Variants in C8orf34 observed in about 807,000 individuals in gnomAD.
C8orf34 encodes chromosome 8 open reading frame 34.
A neutral mutation model predicts 68.3 loss-of-function variants in C8orf34; 65 were observed. The ratio of observed to expected loss-of-function variants is 0.95; its 90% CI spans 0.78 to 1.17. The LOEUF (loss-of-function observed/expected upper bound fraction) is 1.17. C8orf34 is among the 50% of genes most tolerant of loss of function. The pLI, the probability that C8orf34 is intolerant of heterozygous loss-of-function variation, is 0.00. For missense variants in C8orf34, 664 were observed against 655.4 expected (o/e 1.01, Z -0.14); for synonymous variants, 244 against 241.2 (o/e 1.01, Z -0.11).
chr8:68,778,098 A>G (rs1418572555), intron 11 of C8orf34, among the ~76,000 whole-genome samples: 1 of 152,224 alleles, frequency 6.6e-6, no homozygotes, highest in Non-Finnish European at 1.5e-5. Context: ...CTTTTCTCAC[A>G]GACAATCCAT....
intron 10 of C8orf34, among the ~76,000 whole-genome samples, chr8:68,767,738 C>G (rs1823222678): frequency 6.6e-6 from 1 of 152,188 alleles, no homozygotes; most frequent in Non-Finnish European, 1.5e-5. Flanking sequence ...CTCCTGGGCT[C>G]AAGCAATTCT....
At chr8:68,786,427 C>T (rs1184698143) in intron 11 of C8orf34, among the ~76,000 whole-genome samples, 1 of 151,954 alleles carries the variant, frequency 6.6e-6, no homozygotes, top group Non-Finnish European at 1.5e-5. Flanking sequence ...CCTCAAGGAC[C>T]TTTTTTATTA....
chr8:68,785,462 T>C (rs927885347), intron 11 of C8orf34, among the ~76,000 whole-genome samples: 3 of 152,144 alleles, frequency 2.0e-5, no homozygotes, highest in African/African-American at 7.2e-5. Context: ...TCAGAATTGT[T>C]AACCCGTACT....
chr8:68,691,741 A>G (rs1285893811), intron 8 of C8orf34, among the ~76,000 whole-genome samples: 1 of 152,068 alleles, frequency 6.6e-6, no homozygotes, highest in African/African-American at 2.4e-5. Flanking sequence ...TAGCTTATCA[A>G]AAGAATATTT....
In C8orf34 at chr8:68,795,128, A is replaced by G. The variant is rs567756466; in HGVS notation, c.1549+7592A>G. ...TAGTGGATTTTTATTTCCATTTCAG[A>G]ATTTCTAGTTTGTTCCCTTTATAAT... is the stretch of plus-strand genomic sequence containing the variant. On this transcript the variant is annotated intron_variant, in intron 12 of 13. Coordinates refer to ENST00000518698, the MANE Select transcript of C8orf34 (RefSeq NM_052958.4). 3.3e-5 allele frequency among the ~76,000 whole-genome samples: 5 copies of G among 152,062 alleles called. No homozygotes were observed. The East Asian group carries it at 5.8e-4, about 18-fold the overall frequency.
chr8:68,797,635 A>G (rs1824216822), intron 12 of C8orf34, among the ~76,000 whole-genome samples: 1 of 152,170 alleles, frequency 6.6e-6, no homozygotes, highest in Non-Finnish European at 1.5e-5. Flanking sequence ...TATTTGAGAT[A>G]GTGGTACTGG....
At chr8:68,646,736 C>T (rs1819185565) in intron 8 of C8orf34, among the ~76,000 whole-genome samples, 1 of 152,134 alleles carries the variant, frequency 6.6e-6, no homozygotes, top group East Asian at 1.9e-4. Flanking sequence ...TCTTTCTGTG[C>T]CTGCTTATTT....
intron 6 of C8orf34, among the ~76,000 whole-genome samples, chr8:68,528,214 A>G (rs1815096266): frequency 6.6e-6 from 1 of 152,042 alleles, no homozygotes; most frequent in Non-Finnish European, 1.5e-5. Flanking sequence ...ACTCTTCGCC[A>G]TGTATCTTGA....
At chr8:68,494,969 A>T (rs1813466706) in intron 5 of C8orf34, among the ~76,000 whole-genome samples, 1 of 151,550 alleles carries the variant, frequency 6.6e-6, no homozygotes, top group South Asian at 2.1e-4. Context: ...TATATTCTTT[A>T]TAACATCAGT....
intron 7 of C8orf34, chr8:68,534,454 T>C: frequency 1.4e-6 from 1 of 696,894 alleles, no homozygotes; most frequent in Non-Finnish European, 1.8e-6. Context: ...GAATTTTACA[T>C]TGTAATGTTC....
chr8:68,331,127 C>CG lies in C8orf34; in HGVS notation c.119dup (p.Arg41ProfsTer21). On this transcript the variant is annotated frameshift_variant, in exon 1 of 14. Transcript: ENST00000518698. LOFTEE classifies it high-confidence loss of function. ...CCGGGCTGCCACCCACGCCCGCGGCCGGGGCCGAGCCAGCCACGCAGGGCA... is the reference window on the plus strand; with the variant it reads ...CCGGGCTGCCACCCACGCCCGCGGCCGGGGGCCGAGCCAGCCACGCAGGGCA... 6.6e-7 allele frequency: 1 copy of CG among 1,511,466 alleles called. No homozygotes were observed. Among genetic ancestry groups the CG allele is most frequent in the South Asian group, 1.2e-5 (1 of 80,858 alleles). The allele number at this position is 1,511,466 out of a possible 1,614,324, so 93.6% of individuals were successfully genotyped here. A position where few individuals can be genotyped will look rare whatever the true frequency, so the allele number is the denominator to read the frequency against.
In C8orf34 at chr8:68,331,223, C is replaced by G; in HGVS notation, c.211C>G (p.Gln71Glu). 6.5e-7 allele frequency: 1 copy of G among 1,536,144 alleles called. No homozygotes were observed. Among genetic ancestry groups the G allele is most frequent in the Non-Finnish European group, 8.7e-7 (1 of 1,146,880 alleles). Residue 71 changes from glutamine (Q) to glutamate (E), a missense_variant, in exon 1 of 14, where the codon CAG (glutamine) becomes GAG (glutamate). Physicochemically the swap from Gln to Glu is conservative, Grantham distance 29. Transcript: ENST00000518698. ...KRRVVPSGGA[Q>E]PRVLPALSSR... is the part of the protein sequence containing the mutation. ...GAGGGTTGTCCCCAGCGGAGGCGCA[C>G]AGCCGCGCGTTCTCCCTGCACTCTC...
At chr8:68,337,888 A>G (rs779600393) in intron 1 of C8orf34, among the ~76,000 whole-genome samples, 7 of 152,210 alleles carry the variant, frequency 4.6e-5, no homozygotes, top group Non-Finnish European at 1.0e-4. Flanking sequence ...TCTGAAAAAA[A>G]TATTTAAACA....
At chr8:68,694,531 T>C (rs117176340) in intron 8 of C8orf34, among the ~76,000 whole-genome samples, 2,071 of 152,256 alleles carry the variant, frequency 0.014, 19 homozygotes, top group Non-Finnish European at 0.021. Context: ...AAAACCTTTC[T>C]AACAATTTAA....
intron 10 of C8orf34, among the ~76,000 whole-genome samples, chr8:68,734,514 A>G (rs1403617125): frequency 6.6e-6 from 1 of 152,162 alleles, no homozygotes; most frequent in Non-Finnish European, 1.5e-5. Context: ...GCTCAATTCA[A>G]ATTTTGCTTG....
At chr8:68,660,099 G>C (rs1819626405) in intron 8 of C8orf34, among the ~76,000 whole-genome samples, 1 of 152,136 alleles carries the variant, frequency 6.6e-6, no homozygotes, top group Non-Finnish European at 1.5e-5. Flanking sequence ...CATCCAAGGG[G>C]AGTGTCTGTG....
At chr8:68,474,959 T>C (rs982685477) in intron 4 of C8orf34, among the ~76,000 whole-genome samples, 3 of 152,196 alleles carry the variant, frequency 2.0e-5, no homozygotes, top group African/African-American at 4.8e-5. Flanking sequence ...GGCTCTAAAG[T>C]GAAAGCCTGA....
At chr8:68,752,223 C>T (rs1362749483) in intron 10 of C8orf34, among the ~76,000 whole-genome samples, 1 of 152,092 alleles carries the variant, frequency 6.6e-6, no homozygotes, top group East Asian at 1.9e-4. Flanking sequence ...AATTTGATTC[C>T]TTTTACCTTC....
chr8:68,578,674 A>G (rs1816977033), intron 7 of C8orf34, among the ~76,000 whole-genome samples: 1 of 151,152 alleles, frequency 6.6e-6, no homozygotes, highest in African/African-American at 2.5e-5. Context: ...ATTGATCTAT[A>G]TTCTGAGGAA....
Sources: gnomAD v4.1 joint callset for allele counts (sites outside exome capture counted in the v4.1 genomes callset) on GRCh38, gnomAD v4.1.1 for gene constraint, MANE v1.5 for transcripts, NCBI Gene and HGNC (gene_info 2026-07-23, HGNC 2026-07-21) for gene names.